Variants in CASK observed in about 807,000 individuals in gnomAD.
CASK encodes the protein calcium/calmodulin dependent serine protein kinase, also known as peripheral plasma membrane protein CASK.
A neutral mutation model predicts 82.9 loss-of-function variants in CASK; 4 were observed. The observed-to-expected ratio is 0.05, with a 90% CI of 0.02 to 0.11. The LOEUF (loss-of-function observed/expected upper bound fraction) is 0.11, where lower values mean the gene tolerates loss of function less well. CASK is among the 10% of genes least tolerant of loss of function. CASK has a pLI of 1.00. For synonymous variants in CASK, 259 were observed against 253.5 expected (o/e 1.02, Z -0.20); for missense variants, 358 against 720.9 (o/e 0.50, Z 5.76).
chrX:41,526,325 C>A (rs2064712005), intron 25 of CASK, among the ~76,000 whole-genome samples: 1 of 111,666 alleles, frequency 9.0e-6, no homozygotes, highest in Non-Finnish European at 1.9e-5. Context: ...CAAAGCTACT[C>A]TAAGTGCTAG....
At chrX:41,775,330 A>G (rs2069336923) in intron 3 of CASK, among the ~76,000 whole-genome samples, 1 of 111,553 alleles carries the variant, frequency 9.0e-6, no homozygotes, top group Non-Finnish European at 1.9e-5. Flanking sequence ...CAAAACCACA[A>G]TGAGATACCA....
intron 1 of CASK, among the ~76,000 whole-genome samples, chrX:41,872,654 A>G (rs1225395823): frequency 8.9e-6 from 1 of 112,076 alleles, no homozygotes; most frequent in African/African-American, 3.2e-5. Context: ...TTCCATTAGA[A>G]TGGTACACTT....
intron 6 of CASK, among the ~76,000 whole-genome samples, chrX:41,669,939 T>C (rs2067173280): frequency 8.9e-6 from 1 of 111,857 alleles, no homozygotes; most frequent in African/African-American, 3.3e-5. Flanking sequence ...GACATGGTAG[T>C]TGTCTACAAA....
chrX:41,921,953 A>T (rs2072790576), intron 1 of CASK, among the ~76,000 whole-genome samples: 1 of 110,082 alleles, frequency 9.1e-6, no homozygotes, highest in African/African-American at 3.3e-5. Context: ...TTGCTCTTAA[A>T]TCTTATCTCC....
intron 11 of CASK, among the ~76,000 whole-genome samples, chrX:41,612,109 C>T (rs2066069512): frequency 8.9e-6 from 1 of 112,474 alleles, no homozygotes; most frequent in Non-Finnish European, 1.9e-5. Context: ...GCAGCCTCTG[C>T]CCGGCCGCCA....
intron 5 of CASK, chrX:41,729,768 AAAAAAAAAAAAAAAT>A (rs2068345927): frequency 2.4e-5 from 2 of 84,074 alleles, no homozygotes; most frequent in Admixed American, 2.8e-4. Context: ...AAAAAAAAAA[AAAAAAAAAAAAAAAT>A]ATATATATAT....
intron 25 of CASK, chrX:41,524,773 TG>T (rs1431465934): frequency 9.0e-6 from 1 of 111,211 alleles, no homozygotes; most frequent in Non-Finnish European, 1.9e-5. Flanking sequence ...TCAGACGCTG[TG>T]GGAGTTGATT....
At chrX:41,819,487 C>G (rs996670538) in intron 2 of CASK, among the ~76,000 whole-genome samples, 1 of 110,968 alleles carries the variant, frequency 9.0e-6, no homozygotes, top group Non-Finnish European at 1.9e-5. Context: ...AAGAAAATCC[C>G]AAGCCCAGGA....
chrX:41,621,512 AG>A (rs2066288251), intron 11 of CASK, among the ~76,000 whole-genome samples: 1 of 111,594 alleles, frequency 9.0e-6, no homozygotes, highest in African/African-American at 3.3e-5. Flanking sequence ...CAACCATGTG[AG>A]TGAGCTTGGA....
chrX:41,702,531 C>A (rs2067818701), intron 5 of CASK, among the ~76,000 whole-genome samples: 1 of 112,147 alleles, frequency 8.9e-6, no homozygotes, highest in African/African-American at 3.2e-5. Context: ...CGTGGTGGCT[C>A]ACGCCTGTAA....
intron 11 of CASK, among the ~76,000 whole-genome samples, chrX:41,622,075 A>C (rs773108935): frequency 8.9e-6 from 1 of 112,246 alleles, no homozygotes; most frequent in African/African-American, 3.2e-5. Flanking sequence ...CCCAAACTCA[A>C]ATTATGCCCC....
intron 3 of CASK, among the ~76,000 whole-genome samples, chrX:41,780,741 T>C (rs1404062064): frequency 9.0e-6 from 1 of 111,344 alleles, no homozygotes; most frequent in Non-Finnish European, 1.9e-5. Flanking sequence ...CTCTGCTTTC[T>C]GGGTTCAAGT....
At chrX:41,874,539 G>A (rs1299255824) in intron 1 of CASK, among the ~76,000 whole-genome samples, 1 of 111,987 alleles carries the variant, frequency 8.9e-6, no homozygotes, top group Admixed American at 9.4e-5. Context: ...TGGTGTATAT[G>A]TACTGCATTT....
intron 1 of CASK, among the ~76,000 whole-genome samples, chrX:41,881,852 C>G (rs1035047632): frequency 9.0e-6 from 1 of 111,407 alleles, no homozygotes; most frequent in African/African-American, 3.3e-5. Context: ...ACAATTATAG[C>G]AAGGTAGCTA....
chrX:41,884,569 G>T, intron 1 of CASK, among the ~76,000 whole-genome samples: 1 of 112,129 alleles, frequency 8.9e-6, no homozygotes, highest in Middle Eastern at 4.6e-3. Context: ...CATTGTTGCT[G>T]GGTTCCAATG....
intron 5 of CASK, among the ~76,000 whole-genome samples, chrX:41,718,490 T>C (rs777731655): frequency 6.0e-4 from 67 of 111,546 alleles, no homozygotes; most frequent in Non-Finnish European, 1.2e-3. Context: ...TATCTCCAGG[T>C]AGATAGTGTC....
chrX:41,915,007 T>C (rs976007525), intron 1 of CASK, among the ~76,000 whole-genome samples: 6 of 112,021 alleles, frequency 5.4e-5, no homozygotes, highest in Non-Finnish European at 9.4e-5. Context: ...TTCTCTGTTA[T>C]AGCCACATGT....
chrX:41,864,963 C>T (rs1420476341), intron 1 of CASK, among the ~76,000 whole-genome samples: 1 of 111,593 alleles, frequency 9.0e-6, no homozygotes, highest in Non-Finnish European at 1.9e-5. Context: ...GGTCTAAAGA[C>T]ATAAAGTAGA....
At chrX:41,706,523 C>T (rs1259066344) in intron 5 of CASK, among the ~76,000 whole-genome samples, 1 of 111,617 alleles carries the variant, frequency 9.0e-6, no homozygotes, top group African/African-American at 3.3e-5. Context: ...GAGCAACAGA[C>T]TTTTCTTCTG....
Sources: allele counts gnomAD v4.1 joint callset (sites outside exome capture counted in the v4.1 genomes callset), GRCh38; gene constraint gnomAD v4.1.1; transcripts MANE v1.5; gene names NCBI Gene and HGNC (gene_info 2026-07-23, HGNC 2026-07-21).